Variants in TTC29 observed in about 807,000 individuals in gnomAD.
TTC29 encodes the protein tetratricopeptide repeat protein 29.
Under a neutral mutation model 58.1 loss-of-function variants are expected in TTC29, and 49 were observed. The observed-to-expected ratio is 0.84, with a 90% CI of 0.67 to 1.07. The LOEUF is 1.07. TTC29 is among the 50% of genes least tolerant of loss of function. The pLI is 0.00. For synonymous variants in TTC29, 209 were observed against 196.8 expected, an observed-to-expected ratio of 1.06 and a Z score of -0.52; for missense variants, 582 against 555.6, an observed-to-expected ratio of 1.05 and a Z score of -0.48.
chr4:146,913,198 A>G (rs778020266), intron 4 of TTC29, among the ~76,000 whole-genome samples: 39 of 152,154 alleles, frequency 2.6e-4, no homozygotes, highest in Non-Finnish European at 4.0e-4. Flanking sequence ...CCTAGGAGTG[A>G]AGAAAACATT....
chr4:146,725,893 G>A (rs116071191), intron 11 of TTC29, among the ~76,000 whole-genome samples: 74 of 152,152 alleles, frequency 4.9e-4, no homozygotes, highest in African/African-American at 1.7e-3. Flanking sequence ...TATTTTTAGA[G>A]TCAGGGTCTC....
chr4:146,938,516 A>G (rs1736061077), intron 3 of TTC29, among the ~76,000 whole-genome samples: 1 of 152,172 alleles, frequency 6.6e-6, no homozygotes, highest in African/African-American at 2.4e-5. Flanking sequence ...AAAGACAGAA[A>G]GAATAAGCTT....
intron 4 of TTC29, among the ~76,000 whole-genome samples, chr4:146,925,720 G>C (rs1734888858): frequency 6.6e-6 from 1 of 152,122 alleles, no homozygotes; most frequent in South Asian, 2.1e-4. Flanking sequence ...AATTGTTTCA[G>C]ACAAGCTTAA....
At chr4:146,752,903 A>G (rs1746132716) in intron 11 of TTC29, among the ~76,000 whole-genome samples, 1 of 152,248 alleles carries the variant, frequency 6.6e-6, no homozygotes. Context: ...AAATTAATTC[A>G]AGATGGATTA....
chr4:146,793,482 T>C (rs921536295), intron 11 of TTC29, among the ~76,000 whole-genome samples: 25 of 152,182 alleles, frequency 1.6e-4, no homozygotes, highest in African/African-American at 5.8e-4. Flanking sequence ...TATGTACATT[T>C]TTTTTTAGAA....
chr4:146,748,796 G>A (rs921565308), intron 11 of TTC29, among the ~76,000 whole-genome samples: 2 of 152,140 alleles, frequency 1.3e-5, no homozygotes, highest in Non-Finnish European at 2.9e-5. Context: ...GTGACCAAAT[G>A]TGCAGACATC....
chr4:146,756,637 A>G (rs1746469473), intron 11 of TTC29, among the ~76,000 whole-genome samples: 1 of 151,304 alleles, frequency 6.6e-6, no homozygotes, highest in East Asian at 1.9e-4. Flanking sequence ...AGCTTTTAGA[A>G]CTCTCTTCTT....
At chr4:146,879,734 G>T (rs1731499317) in intron 6 of TTC29, among the ~76,000 whole-genome samples, 1 of 152,144 alleles carries the variant, frequency 6.6e-6, no homozygotes, top group South Asian at 2.1e-4. Flanking sequence ...TCCAAGGACT[G>T]TCCTCCTCTG....
At chr4:146,789,128 T>A (rs1415452350) in intron 11 of TTC29, among the ~76,000 whole-genome samples, 1 of 152,212 alleles carries the variant, frequency 6.6e-6, no homozygotes, top group East Asian at 1.9e-4. Context: ...GATTGACATG[T>A]AGTGAGCCGT....
intron 6 of TTC29, among the ~76,000 whole-genome samples, chr4:146,891,179 G>T (rs1409654912): frequency 2.0e-5 from 3 of 152,126 alleles, no homozygotes; most frequent in South Asian, 2.1e-4. Context: ...GATGCCTAGA[G>T]GTTTGTCCTG....
At chr4:146,932,172 G>T (rs1054416666) in intron 4 of TTC29, among the ~76,000 whole-genome samples, 1 of 151,964 alleles carries the variant, frequency 6.6e-6, no homozygotes, top group East Asian at 1.9e-4. Context: ...CTCTGTAATC[G>T]CTTATTTTTA....
At chr4:146,857,142 T>C (rs184696197) in intron 8 of TTC29, among the ~76,000 whole-genome samples, 191 of 152,294 alleles carry the variant, frequency 1.3e-3, no homozygotes, top group African/African-American at 4.4e-3. Flanking sequence ...ATTTTAAAAT[T>C]AGAAAATATT....
intron 10 of TTC29, among the ~76,000 whole-genome samples, chr4:146,804,470 A>G (rs1217871406): frequency 6.6e-6 from 1 of 152,132 alleles, no homozygotes; most frequent in Non-Finnish European, 1.5e-5. Context: ...AGCCAAGCAA[A>G]CTAAGATCCA....
intron 9 of TTC29, among the ~76,000 whole-genome samples, 175 bp from the exon 10 acceptor site, chr4:146,820,423 G>A (rs1751738299): frequency 6.6e-6 from 1 of 152,134 alleles, no homozygotes; most frequent in Admixed American, 6.6e-5. Flanking sequence ...AGCACACATT[G>A]AGTTAAAACT....
At chr4:146,745,631 C>CTGAT (rs1395344978) in intron 11 of TTC29, among the ~76,000 whole-genome samples, 1 of 152,206 alleles carries the variant, frequency 6.6e-6, no homozygotes, top group Non-Finnish European at 1.5e-5. Flanking sequence ...TAAACTACAG[C>CTGAT]TGATAGTCAC....
At chr4:146,812,056 T>C (rs899400371) in intron 10 of TTC29, among the ~76,000 whole-genome samples, 1 of 152,086 alleles carries the variant, frequency 6.6e-6, no homozygotes, top group Non-Finnish European at 1.5e-5. Flanking sequence ...AAAATAAAAC[T>C]GTATCAAAGA....
chr4:146,789,899 A>G (rs1419562920), intron 11 of TTC29, among the ~76,000 whole-genome samples: 1 of 152,194 alleles, frequency 6.6e-6, no homozygotes, highest in Admixed American at 6.5e-5. Flanking sequence ...GTGATAACTC[A>G]GTAACAACTG....
intron 8 of TTC29, among the ~76,000 whole-genome samples, chr4:146,862,251 T>TTTTA (rs2150201091): frequency 6.8e-6 from 1 of 147,110 alleles, no homozygotes; most frequent in Non-Finnish European, 1.5e-5. Context: ...TATTTTATCA[T>TTTTA]TATATATATA....
At chr4:146,708,318 A>ATATATATATACATGTATGTGTGTG (rs1561046653) in intron 11 of TTC29, among the ~76,000 whole-genome samples, 30 of 26,744 alleles carry the variant, frequency 1.1e-3, no homozygotes, top group African/African-American at 1.8e-3. Context: ...TTATATATAT[A>ATATATATATACATGTATGTGTGTG]TATATATATA....
Sources: gnomAD v4.1 joint callset for allele counts (sites outside exome capture counted in the v4.1 genomes callset) on GRCh38, gnomAD v4.1.1 for gene constraint, MANE v1.5 for transcripts, NCBI Gene and HGNC (gene_info 2026-07-23, HGNC 2026-07-21) for gene names.